The following DPP6 variants were observed in gnomAD, a reference collection of about 807,000 sequenced individuals.
The protein encoded by DPP6 is A-type potassium channel modulatory protein DPP6.
Under a neutral mutation model 122.6 loss-of-function variants are expected in DPP6, and 69 were observed. The ratio of observed to expected loss-of-function variants is 0.56; its 90% CI spans 0.46 to 0.69. DPP6 has a LOEUF of 0.69. DPP6 is among the 30% of genes least tolerant of loss of function. The probability of loss-of-function intolerance (pLI) is 0.00; values close to 1 mark genes in which losing one functional copy is unlikely to be tolerated. For synonymous variants in DPP6, 418 were observed against 433.1 expected, an observed-to-expected ratio of 0.97 and a Z score of 0.43; for missense variants, 928 against 1,116.9, an observed-to-expected ratio of 0.83 and a Z score of 2.41.
At chr7:154,367,005 G>A (rs938525170) in intron 1 of DPP6, among the ~76,000 whole-genome samples, 5 of 152,220 alleles carry the variant, frequency 3.3e-5, no homozygotes, top group African/African-American at 4.8e-5. Flanking sequence ...AGAAGGAAAT[G>A]TATGATTAGT....
intron 1 of DPP6, among the ~76,000 whole-genome samples, chr7:153,975,534 A>G (rs964795002): frequency 6.6e-6 from 1 of 150,590 alleles, no homozygotes; most frequent in Non-Finnish European, 1.5e-5. Context: ...AGAGAAAACT[A>G]TGGTATATTT....
At chr7:154,057,137 G>C (rs1396897709) in intron 1 of DPP6, among the ~76,000 whole-genome samples, 6 of 152,232 alleles carry the variant, frequency 3.9e-5, no homozygotes, top group African/African-American at 1.4e-4. Context: ...AATACATGCT[G>C]CTGCTGTTAC....
intron 7 of DPP6, among the ~76,000 whole-genome samples, chr7:154,707,708 C>T (rs1004141018): frequency 1.3e-5 from 2 of 152,112 alleles, no homozygotes; most frequent in Admixed American, 1.3e-4. Flanking sequence ...TAAAGAGATA[C>T]CTGAGACTGG....
chr7:154,346,943 G>T (rs76709197), intron 1 of DPP6, among the ~76,000 whole-genome samples: 2,602 of 152,122 alleles, frequency 0.017, 71 homozygotes, highest in African/African-American at 0.058. Flanking sequence ...TTCCTTTCAT[G>T]TAGTTCTACT....
At chr7:154,668,508 C>T (rs1186854440) in intron 6 of DPP6, among the ~76,000 whole-genome samples, 3 of 151,858 alleles carry the variant, frequency 2.0e-5, no homozygotes, top group East Asian at 2.0e-4. Context: ...CGTGAGCCAC[C>T]GCGCTCAGCC....
At chr7:153,994,658 GTTTC>G (rs148219376) in intron 1 of DPP6, among the ~76,000 whole-genome samples, 2,729 of 152,220 alleles carry the variant, frequency 0.018, 74 homozygotes, top group East Asian at 0.15. Flanking sequence ...TTTCTGTTTT[GTTTC>G]TTTCTATTAA....
intron 1 of DPP6, among the ~76,000 whole-genome samples, chr7:153,906,246 C>G (rs926861076): frequency 6.6e-6 from 1 of 152,080 alleles, no homozygotes; most frequent in Non-Finnish European, 1.5e-5. Context: ...AGTTGTGTTA[C>G]GCGGATATAG....
chr7:154,347,187 A>G (rs1331311723), intron 1 of DPP6, among the ~76,000 whole-genome samples: 3 of 152,202 alleles, frequency 2.0e-5, no homozygotes, highest in African/African-American at 7.2e-5. Context: ...AGCATTTACC[A>G]TTATCCTTCC....
At chr7:153,909,748 A>G (rs1800000099) in intron 1 of DPP6, among the ~76,000 whole-genome samples, 1 of 152,196 alleles carries the variant, frequency 6.6e-6, no homozygotes, top group Non-Finnish European at 1.5e-5. Flanking sequence ...CTTGGTGAAC[A>G]GCAAATTCTG....
the DPP6 span, among the ~76,000 whole-genome samples, chr7:153,851,812 T>C: frequency 6.6e-6 from 1 of 152,218 alleles, no homozygotes; most frequent in African/African-American, 2.4e-5. Context: ...ATGTTTTTCA[T>C]GCTTTCTGAA....
rs368472806 is a variant in DPP6, at chr7:154,892,345, C to T, written c.2463C>T (p.Asp821=). 42 of 1,613,908 alleles carry T rather than the reference C, an allele frequency of 2.6e-5. No homozygotes were observed. Among genetic ancestry groups the T allele is most frequent in the Non-Finnish European group, 3.5e-5 (41 of 1,179,898 alleles). ...KANYSLQIYP[D]ESHYFTSSSL... ...TGCCTTCCTTGCAGATTTACCCGGA[C>T]GAAAGCCATTACTTTACCAGCTCCA... The change falls in exon 26 of 26, where the codon GAC becomes GAT. Residue 821 remains aspartate (D), a synonymous_variant. Coordinates refer to ENST00000377770, the MANE Select transcript of DPP6 (RefSeq NM_130797.4).
chr7:153,767,358 A>C, the DPP6 span, among the ~76,000 whole-genome samples: 1 of 152,080 alleles, frequency 6.6e-6, no homozygotes, highest in South Asian at 2.1e-4. Context: ...ACTTTCAAAA[A>C]AGTGAGAAAC....
chr7:154,196,138 G>A (rs1477427779), intron 1 of DPP6, among the ~76,000 whole-genome samples: 3 of 152,180 alleles, frequency 2.0e-5, no homozygotes, highest in Non-Finnish European at 2.9e-5. Context: ...TGTGATGGAT[G>A]GAGGCCTGTT....
chr7:154,807,168 AG>A (rs2150465265), intron 16 of DPP6, 56 bp downstream of exon 16: 1 of 1,389,178 alleles, frequency 7.2e-7, no homozygotes. Context: ...ATTTGCAGGG[AG>A]GGGGTGGGCA....
rs1833588289 is a variant in DPP6 at position 154,606,382 on chromosome 7, G to T, written c.628-31439G>T. On this transcript the variant is annotated intron_variant, in intron 5 of 25. Transcript: ENST00000377770. ...CTCCGTATTCCTAGCAATGAAATTT[G>T]TGTGTCTTTTTGTTTCCATTTCTAT... 2.5e-5 allele frequency among the ~76,000 whole-genome samples: 3 copies of T among 120,744 alleles called. 1 individual carries two copies. The highest frequency in any genetic ancestry group is 7.9e-5 in the African/African-American group (3 of 38,104). The allele number at this position is 120,744 out of a possible 152,430, so 79.2% of individuals were successfully genotyped here. A position where few individuals can be genotyped will look rare whatever the true frequency, so the allele number is the denominator to read the frequency against.
the DPP6 span, among the ~76,000 whole-genome samples, chr7:153,839,695 A>G: frequency 1.9e-3 from 287 of 152,308 alleles, 2 homozygotes; most frequent in African/African-American, 6.6e-3. Flanking sequence ...TTCATGGAGG[A>G]ACCTAAATCA....
the DPP6 span, among the ~76,000 whole-genome samples, chr7:153,822,736 G>A: frequency 2.8e-4 from 43 of 152,268 alleles, no homozygotes; most frequent in African/African-American, 1.0e-3. Flanking sequence ...TTATTCAATT[G>A]TTTACATGCA....
intron 1 of DPP6, among the ~76,000 whole-genome samples, chr7:154,207,758 G>T (rs1384392916): frequency 3.3e-5 from 5 of 152,190 alleles, no homozygotes; most frequent in African/African-American, 1.2e-4. Context: ...AGAACCCAGA[G>T]AATCTTTTTT....
rs571039433 is a variant in DPP6, at chr7:154,853,135, T to G, written c.1667-645T>G. Among the ~76,000 whole-genome samples, 15 of 152,328 alleles carry G rather than the reference T, an allele frequency of 9.8e-5. No individual in the cohort carries two copies. The South Asian group carries it at 2.9e-3, about 29-fold the overall frequency. ...ACTTTTTTTCTTTCTTTCTGGACTC[T>G]CCTTTTGCTAAGAAGAATCGAGAAG... On this transcript the variant is annotated intron_variant, in intron 16 of 25. Transcript: ENST00000377770.
Sources: allele counts gnomAD v4.1 joint callset (sites outside exome capture counted in the v4.1 genomes callset), GRCh38; gene constraint gnomAD v4.1.1; transcripts MANE v1.5; gene names NCBI Gene and HGNC (gene_info 2026-07-23, HGNC 2026-07-21).